The following KCNJ3 variants were observed in gnomAD, a reference collection of about 807,000 sequenced individuals.
The protein encoded by KCNJ3 is G protein-activated inward rectifier potassium channel 1.
A neutral mutation model predicts 39.2 loss-of-function variants in KCNJ3; 4 were observed. That is an observed-to-expected ratio of 0.10 (90% CI 0.05 to 0.23). The LOEUF is 0.23. Ranked by LOEUF, KCNJ3 falls within the 10% of genes least tolerant of loss-of-function variation. KCNJ3 has a pLI of 1.00. For synonymous variants in KCNJ3, 230 were observed against 237.4 expected (o/e 0.97, Z 0.29); for missense variants, 276 against 634.9 (o/e 0.43, Z 6.08).
intron 2 of KCNJ3, among the ~76,000 whole-genome samples, chr2:154,837,230 AATTTG>A (rs951120007): frequency 3.3e-5 from 5 of 151,676 alleles, no homozygotes; most frequent in African/African-American, 9.7e-5. Context: ...GTTATGACTG[AATTTG>A]ATTTGTCAGC....
In KCNJ3 at chr2:154,766,648, C is replaced by T. The variant is rs185040230; in HGVS notation, c.919+56829C>T. On this transcript the variant is annotated intron_variant, in intron 2 of 2. Coordinates refer to ENST00000295101, the MANE Select transcript of KCNJ3 (RefSeq NM_002239.4). Reference sequence around the variant, plus strand: ...CTTGGCTCACTGAAACCTCCACCACCGGGTTCGACTGATTCTTCTGCCTCA... The same window carrying T: ...CTTGGCTCACTGAAACCTCCACCACTGGGTTCGACTGATTCTTCTGCCTCA... Among the ~76,000 whole-genome samples, 1,034 of 152,146 alleles carry T rather than the reference C, an allele frequency of 6.8e-3. 8 individuals carry two copies. The highest frequency in any genetic ancestry group is 0.011 in the Admixed American group (161 of 15,282).
At chr2:154,736,887 T>C (rs1685557684) in intron 2 of KCNJ3, among the ~76,000 whole-genome samples, 1 of 152,092 alleles carries the variant, frequency 6.6e-6, no homozygotes, top group Admixed American at 6.5e-5. Flanking sequence ...CAGACTGTGG[T>C]GCAGGGAGGG....
intron 2 of KCNJ3, among the ~76,000 whole-genome samples, chr2:154,794,438 G>A (rs1466317408): frequency 6.6e-6 from 1 of 151,976 alleles, no homozygotes; most frequent in Non-Finnish European, 1.5e-5. Context: ...GATTTGTCAT[G>A]ATATGTTCAG....
At chr2:154,849,806 G>A (rs1162606485) in intron 2 of KCNJ3, among the ~76,000 whole-genome samples, 3 of 152,056 alleles carry the variant, frequency 2.0e-5, no homozygotes, top group Admixed American at 2.0e-4. Context: ...TTCTTTGAAT[G>A]AATGTTTAAT....
chr2:154,739,328 G>C (rs892044377), intron 2 of KCNJ3, among the ~76,000 whole-genome samples: 4 of 152,020 alleles, frequency 2.6e-5, no homozygotes, highest in Admixed American at 6.6e-5. Context: ...CAGAGCACAA[G>C]ATATTTTTTC....
rs1029986687 is a variant in KCNJ3 at position 154,856,079 on chromosome 2, G to A, written c.*766G>A. Reference sequence around the variant, plus strand: ...ACATGTTTAAATTGTAAATTTTAGAGCATACCAGTACTCAGTATAGCATTG... The same window carrying A: ...ACATGTTTAAATTGTAAATTTTAGAACATACCAGTACTCAGTATAGCATTG... On this transcript the variant is annotated 3_prime_UTR_variant, in exon 3 of 3. Transcript: ENST00000295101. 2.6e-4 allele frequency: 39 copies of A among 152,456 alleles called. No individual in the cohort carries two copies. The highest frequency in any genetic ancestry group is 9.2e-4 in the African/African-American group (38 of 41,414). The allele number at this position is 152,456 out of a possible 1,614,324, so 9.4% of individuals were successfully genotyped here.
chr2:154,766,716 T>G (rs555821746), intron 2 of KCNJ3, among the ~76,000 whole-genome samples: 1 of 152,138 alleles, frequency 6.6e-6, no homozygotes, highest in South Asian at 2.1e-4. Flanking sequence ...CCATCATGCC[T>G]GGCTAATTTT....
At chr2:154,718,468 A>G (rs1264604491) in intron 2 of KCNJ3, among the ~76,000 whole-genome samples, 1 of 152,234 alleles carries the variant, frequency 6.6e-6, no homozygotes, top group African/African-American at 2.4e-5. Context: ...TTTCCAGAAC[A>G]TGTGAAATTC....
At position 154,765,211 on chromosome 2, in the gene KCNJ3, C is replaced by T. The variant is rs1404825289; in HGVS notation, c.919+55392C>T. Among the ~76,000 whole-genome samples the T allele has an allele frequency of 2.0e-5, 3 of 152,116 alleles. No individual in the cohort carries two copies. The South Asian group carries it at 6.2e-4, about 32-fold the overall frequency. On this transcript the variant is annotated intron_variant, in intron 2 of 2. Coordinates refer to ENST00000295101, the MANE Select transcript of KCNJ3 (RefSeq NM_002239.4). ...GTCCCATGGGGAGCAAACTCACCTT[C>T]GATTGAGAACCACTGCTTTAGAGTT...
intron 1 of KCNJ3, among the ~76,000 whole-genome samples, chr2:154,703,324 C>T (rs973886243): frequency 2.6e-5 from 4 of 151,988 alleles, no homozygotes; most frequent in African/African-American, 9.7e-5. Context: ...CTTTATAGTT[C>T]TATTTATTGC....
At chr2:154,725,404 C>T (rs1397304748) in intron 2 of KCNJ3, among the ~76,000 whole-genome samples, 4 of 151,702 alleles carry the variant, frequency 2.6e-5, no homozygotes, top group Non-Finnish European at 4.4e-5. Context: ...AGCTTCTCCA[C>T]ATAACTGTCA....
rs953361034 is a variant in KCNJ3 at position 154,856,092 on chromosome 2, C to G, written c.*779C>G. On this transcript the variant is annotated 3_prime_UTR_variant, in exon 3 of 3. Coordinates refer to ENST00000295101, the MANE Select transcript of KCNJ3 (RefSeq NM_002239.4). ...GTAAATTTTAGAGCATACCAGTACTCAGTATAGCATTGAACATTTCTTATG... is the reference window on the plus strand; with the variant it reads ...GTAAATTTTAGAGCATACCAGTACTGAGTATAGCATTGAACATTTCTTATG... 2 of 152,508 alleles carry G rather than the reference C, an allele frequency of 1.3e-5. No individual in the cohort carries two copies. The highest frequency in any genetic ancestry group is 4.8e-5 in the African/African-American group (2 of 41,426). The allele number at this position is 152,508 out of a possible 1,614,324, so 9.4% of individuals were successfully genotyped here.
At chr2:154,853,144 GAAA>G (rs1170092487) in intron 2 of KCNJ3, among the ~76,000 whole-genome samples, 1 of 131,526 alleles carries the variant, frequency 7.6e-6, no homozygotes, top group African/African-American at 2.8e-5. Flanking sequence ...GATTAGAATG[GAAA>G]AAAAAAAAAA....
intron 2 of KCNJ3, among the ~76,000 whole-genome samples, chr2:154,838,394 CTCG>C (rs1334298759): frequency 6.6e-6 from 1 of 152,184 alleles, no homozygotes; most frequent in Non-Finnish European, 1.5e-5. Context: ...ACAACCATCT[CTCG>C]TCCTGTGATT....
At chr2:154,744,069 A>G (rs1252373467) in intron 2 of KCNJ3, among the ~76,000 whole-genome samples, 1 of 151,750 alleles carries the variant, frequency 6.6e-6, no homozygotes, top group African/African-American at 2.4e-5. Context: ...GTTAAATATT[A>G]GTACTATTTC....
intron 2 of KCNJ3, among the ~76,000 whole-genome samples, chr2:154,792,474 C>T (rs776527017): frequency 9.9e-5 from 15 of 152,042 alleles, no homozygotes; most frequent in Admixed American, 2.0e-4. Context: ...TGTCTGCTGT[C>T]AAAGTCTATG....
At chr2:154,707,571 T>C (rs938125199) in intron 1 of KCNJ3, among the ~76,000 whole-genome samples, 16 of 152,110 alleles carry the variant, frequency 1.1e-4, no homozygotes, top group Admixed American at 7.2e-4. Context: ...GAAGACAAAT[T>C]TTAATATTTG....
chr2:154,834,603 C>G (rs1687417257), intron 2 of KCNJ3, among the ~76,000 whole-genome samples: 2 of 151,958 alleles, frequency 1.3e-5, no homozygotes, highest in Admixed American at 6.6e-5. Flanking sequence ...GTGGCGGGCG[C>G]CTGTAATCCC....
intron 2 of KCNJ3, among the ~76,000 whole-genome samples, chr2:154,728,854 TA>T (rs1484888778): frequency 2.6e-5 from 4 of 152,254 alleles, no homozygotes; most frequent in Admixed American, 2.6e-4. Flanking sequence ...ATACCGGTCT[TA>T]TTTTTTTTAG....
Sources: gnomAD v4.1 joint callset for allele counts (sites outside exome capture counted in the v4.1 genomes callset) on GRCh38, gnomAD v4.1.1 for gene constraint, MANE v1.5 for transcripts, NCBI Gene and HGNC (gene_info 2026-07-23, HGNC 2026-07-21) for gene names.